Variants in IGF2BP2 observed in about 807,000 individuals in gnomAD.
IGF2BP2 encodes insulin-like growth factor 2 mRNA-binding protein 2.
Under a neutral mutation model 75.8 loss-of-function variants are expected in IGF2BP2, and 17 were observed. The ratio of observed to expected loss-of-function variants is 0.22; its 90% confidence interval spans 0.15 to 0.34. The LOEUF (loss-of-function observed/expected upper bound fraction) is 0.34. Among genes scored for constraint, IGF2BP2 ranks in the 10% least tolerant of loss-of-function variants. IGF2BP2 has a pLI of 1.00. For missense variants in IGF2BP2, 516 were observed against 772.4 expected (o/e 0.67, Z 3.93); for synonymous variants, 288 against 295.6 (o/e 0.97, Z 0.26).
chr3:185,677,039 ATG>A (rs1719549889), intron 7 of IGF2BP2, among the ~76,000 whole-genome samples: 1 of 65,764 alleles, frequency 1.5e-5, no homozygotes, highest in African/African-American at 5.9e-5. Context: ...ATATATATAT[ATG>A]GAGATATATA....
chr3:185,696,012 C>T (rs1578002052), intron 4 of IGF2BP2, among the ~76,000 whole-genome samples: 1 of 152,212 alleles, frequency 6.6e-6, no homozygotes, highest in African/African-American at 2.4e-5. Context: ...GTCTTGAACT[C>T]CTGGCCTCAT....
chr3:185,791,287 C>A (rs910809549), intron 2 of IGF2BP2, among the ~76,000 whole-genome samples: 1 of 152,210 alleles, frequency 6.6e-6, no homozygotes, highest in African/African-American at 2.4e-5. Context: ...CCAGCTCTGA[C>A]GAAGAGTTCG....
At chr3:185,725,994 G>A (rs551249660) in intron 2 of IGF2BP2, among the ~76,000 whole-genome samples, 1 of 152,214 alleles carries the variant, frequency 6.6e-6, no homozygotes, top group East Asian at 1.9e-4. Context: ...ACTTAATCCA[G>A]GACTAGAAGC....
chr3:185,727,298 G>A (rs952035771), intron 2 of IGF2BP2, among the ~76,000 whole-genome samples: 3 of 152,014 alleles, frequency 2.0e-5, no homozygotes, highest in East Asian at 1.9e-4. Context: ...CAAGGGAGAC[G>A]CAGAGCCCTC....
intron 9 of IGF2BP2, 61 bp from the exon 10 acceptor site, chr3:185,672,730 G>C: frequency 1.3e-6 from 2 of 1,591,282 alleles, no homozygotes; most frequent in Non-Finnish European, 1.7e-6. Flanking sequence ...CGCACGCCTG[G>C]GTCAACCTCC....
chr3:185,749,119 A>G (rs1029879464), intron 2 of IGF2BP2, among the ~76,000 whole-genome samples: 1 of 152,160 alleles, frequency 6.6e-6, no homozygotes, highest in Non-Finnish European at 1.5e-5. Flanking sequence ...AGCCGAGATC[A>G]CGCCATTGCA....
intron 2 of IGF2BP2, among the ~76,000 whole-genome samples, chr3:185,715,751 C>A (rs1183317765): frequency 6.6e-6 from 1 of 152,020 alleles, no homozygotes; most frequent in Non-Finnish European, 1.5e-5. Flanking sequence ...TCAAGAGATT[C>A]CCCTGCCTTA....
intron 4 of IGF2BP2, chr3:185,696,265 C>CAGGGAAAGGAA (rs1722568085): frequency 4.2e-6 from 1 of 239,976 alleles, no homozygotes. Flanking sequence ...TTTTCTTATC[C>CAGGGAAAGGAA]AGGGAAAGGA....
At chr3:185,656,710 GTGCTCAA>G (rs1300416290) in intron 12 of IGF2BP2, among the ~76,000 whole-genome samples, 5 of 152,212 alleles carry the variant, frequency 3.3e-5, no homozygotes, top group African/African-American at 9.6e-5. Flanking sequence ...TCTCCACACT[GTGCTCAA>G]GGAGGCAGGA....
In IGF2BP2 at chr3:185,657,394, C is replaced by T. The variant is rs1715624732; in HGVS notation, c.1278G>A (p.Glu426=). 14 of 1,611,884 alleles carry T rather than the reference C, an allele frequency of 8.7e-6. No individual in the cohort carries two copies. The highest frequency in any genetic ancestry group is 1.2e-5 in the Non-Finnish European group (14 of 1,178,462). ...GGATGAAGAGATTCACAATCTCCTGCTCTGGATACTGGGAGGGCGAGACAA... is the reference window on the plus strand; with the variant it reads ...GGATGAAGAGATTCACAATCTCCTGTTCTGGATACTGGGAGGGCGAGACAA... ...GPFPHHHSYP[E]QEIVNLFIPT... is the part of the protein sequence containing the mutation. The change falls in exon 12 of 16, where the codon GAG becomes GAA. Residue 426 remains glutamate (E), a synonymous_variant. Coordinates refer to ENST00000382199, the MANE Select transcript of IGF2BP2 (RefSeq NM_006548.6).
At chr3:185,675,552 C>T (rs1719203798) in intron 8 of IGF2BP2, 121 bp from the exon 9 acceptor site, 3 of 1,214,398 alleles carry the variant, frequency 2.5e-6, no homozygotes, top group Non-Finnish European at 2.3e-6. Context: ...CCTCCCAACA[C>T]ACTGTGGTGG....
chr3:185,689,729 G>A (rs1043178735), intron 5 of IGF2BP2, 102 bp from the exon 6 acceptor site: 17 of 1,342,240 alleles, frequency 1.3e-5, no homozygotes, highest in African/African-American at 2.9e-5. Context: ...AGCACTTTGG[G>A]AGGCCGAGGC....
intron 2 of IGF2BP2, among the ~76,000 whole-genome samples, chr3:185,821,572 C>T (rs539174930): frequency 6.6e-6 from 1 of 152,066 alleles, no homozygotes; most frequent in African/African-American, 2.4e-5. Flanking sequence ...TTCACATATA[C>T]CACAAAATTA....
chr3:185,823,588 G>C (rs1052156758), intron 1 of IGF2BP2, among the ~76,000 whole-genome samples: 1 of 151,978 alleles, frequency 6.6e-6, no homozygotes, highest in South Asian at 2.1e-4. Flanking sequence ...CTAATCCGGG[G>C]CCCGAAGGCT....
chr3:185,673,774 A>G (rs573407513), intron 9 of IGF2BP2, among the ~76,000 whole-genome samples: 1 of 152,070 alleles, frequency 6.6e-6, no homozygotes, highest in Non-Finnish European at 1.5e-5. Flanking sequence ...TGTCTATAAG[A>G]TGTAGTAATT....
chr3:185,735,089 A>C (rs1237534142), intron 2 of IGF2BP2, among the ~76,000 whole-genome samples: 1 of 152,172 alleles, frequency 6.6e-6, no homozygotes, highest in Admixed American at 6.5e-5. Flanking sequence ...TTTTATGTGC[A>C]TTTTATCAGT....
chr3:185,822,613 A>G (rs1741506737), intron 2 of IGF2BP2, among the ~76,000 whole-genome samples: 2 of 152,220 alleles, frequency 1.3e-5, no homozygotes, highest in Non-Finnish European at 2.9e-5. Context: ...AGTGACTGAA[A>G]AAGTCCGGCT....
chr3:185,697,589 C>T (rs372162641), intron 3 of IGF2BP2, among the ~76,000 whole-genome samples: 1 of 152,152 alleles, frequency 6.6e-6, no homozygotes, highest in African/African-American at 2.4e-5. Flanking sequence ...AGCTTTACAA[C>T]TCTGAAAACA....
intron 2 of IGF2BP2, among the ~76,000 whole-genome samples, chr3:185,701,829 G>GGA (rs1723351623): frequency 6.6e-6 from 1 of 152,114 alleles, no homozygotes; most frequent in Non-Finnish European, 1.5e-5. Flanking sequence ...GAGTTCAGCC[G>GGA]GTCATTTGGG....
Sources: allele counts gnomAD v4.1 joint callset (sites outside exome capture counted in the v4.1 genomes callset), GRCh38; gene constraint gnomAD v4.1.1; transcripts MANE v1.5; gene names NCBI Gene and HGNC (gene_info 2026-07-23, HGNC 2026-07-21).